DSG4: variants seen among roughly 807,000 people sequenced by gnomAD.
DSG4 encodes the protein desmoglein 4.
A neutral mutation model predicts 93.1 loss-of-function variants in DSG4; 87 were observed. The ratio of observed to expected loss-of-function variants is 0.93; its 90% CI spans 0.79 to 1.12. The LOEUF is 1.12. Ranked by LOEUF, DSG4 falls within the 50% of genes most tolerant of loss-of-function variation. The probability of loss-of-function intolerance (pLI) is 0.00; values close to 1 mark genes in which losing one functional copy is unlikely to be tolerated. For missense variants in DSG4, 1,373 were observed against 1,285.7 expected (o/e 1.07, Z -1.04); for synonymous variants, 432 against 452.9 (o/e 0.95, Z 0.59).
intron 9 of DSG4, among the ~76,000 whole-genome samples, chr18:31,400,580 G>T (rs1435685393): frequency 1.3e-5 from 2 of 152,100 alleles, no homozygotes; most frequent in Non-Finnish European, 2.9e-5. Context: ...ATGAATAAAG[G>T]ATGTTTTACA....
chr18:31,391,837 G>GA (rs1568064722), intron 7 of DSG4, among the ~76,000 whole-genome samples: 1 of 151,320 alleles, frequency 6.6e-6, no homozygotes, highest in South Asian at 2.1e-4. Flanking sequence ...GCCCTTTACA[G>GA]AAAAAAATCT....
At chr18:31,392,393 A>G (rs1039979540) in intron 8 of DSG4, 53 bp downstream of exon 8, 1 of 1,577,956 alleles carries the variant, frequency 6.3e-7, no homozygotes, top group African/African-American at 1.4e-5. Context: ...ATTCCAAAGA[A>G]GTTTTAAATG....
At chr18:31,379,865 C>A (rs2072115861) in intron 1 of DSG4, among the ~76,000 whole-genome samples, 2 of 152,136 alleles carry the variant, frequency 1.3e-5, no homozygotes, top group African/African-American at 4.8e-5. Flanking sequence ...ACACCTTATC[C>A]TATTTGGCTT....
intron 1 of DSG4, among the ~76,000 whole-genome samples, chr18:31,381,646 C>T (rs1055774097): frequency 6.6e-6 from 1 of 152,004 alleles, no homozygotes; most frequent in African/African-American, 2.4e-5. Flanking sequence ...TTAGCAGAGA[C>T]ATAAATTTTA....
chr18:31,388,953 A>G lies in DSG4; in HGVS notation c.452A>G (p.Asn151Ser), dbSNP rs779911399. Residue 151 changes from asparagine to serine, a missense_variant, in exon 5 of 16, where the codon AAT becomes AGT. Asn to Ser is a conservative substitution (Grantham distance 46, BLOSUM62 1). Transcript: ENST00000308128. ...LELRVKVMDI[N>S]DNAPVFSQSV... ...CTTAGAGTCAAAGTTATGGACATAA[A>G]TGATAACGCTCCAGTCTTTTCGCAA... is the stretch of plus-strand genomic sequence containing the variant. The G allele has an allele frequency of 1.9e-6, 3 of 1,613,588 alleles. No homozygotes were observed. Among genetic ancestry groups the G allele is most frequent in the Non-Finnish European group, 2.5e-6 (3 of 1,179,642 alleles).
chr18:31,388,606 CT>C, intron 4 of DSG4, 84 bp downstream of exon 4: 1 of 1,539,978 alleles, frequency 6.5e-7, no homozygotes, highest in East Asian at 2.3e-5. Flanking sequence ...TAATGGATTA[CT>C]TTTGATAAAA....
Position 31,399,293 on chromosome 18 carries a change from CCTA to C in DSG4, c.1028_1030del (p.Pro343_Asn344delinsHis). ...TCAGATGCTGGATTATGAACAAGCACCTAACATTCAGCTTAGTATCGGAGTTAA... is the reference window on the plus strand; with the variant it reads ...TCAGATGCTGGATTATGAACAAGCACACATTCAGCTTAGTATCGGAGTTAA... On this transcript the variant is annotated inframe_deletion, in exon 9 of 16. Transcript: ENST00000308128. 1 of 1,613,962 alleles carries C rather than the reference CCTA, an allele frequency of 6.2e-7. No homozygotes were observed. Among genetic ancestry groups the C allele is most frequent in the Non-Finnish European group, 8.5e-7 (1 of 1,179,910 alleles).
chr18:31,400,787 C>A, intron 9 of DSG4, 94 bp from the exon 10 acceptor site: 1 of 1,315,596 alleles, frequency 7.6e-7, no homozygotes, highest in Non-Finnish European at 1.1e-6. Flanking sequence ...CATAAAAACA[C>A]AATATTAAAG....
Position 31,376,916 on chromosome 18 carries a change from A to T in DSG4, c.5A>T (p.Asp2Val). Residue 2 changes from aspartate to valine, a missense_variant, in exon 1 of 16, where the codon GAT becomes GTT. Transcript: ENST00000308128. ...GTGCAAGAGAAACCCAAAGGAATGGATTGGCTCTTCTTCAGAAACATTTGC... is the reference window on the plus strand; with the variant it reads ...GTGCAAGAGAAACCCAAAGGAATGGTTTGGCTCTTCTTCAGAAACATTTGC... MDWLFFRNICLL... is the reference protein window; with the variant it reads MVWLFFRNICLL... The T allele has an allele frequency of 6.2e-7, 1 of 1,613,680 alleles. No individual in the cohort carries two copies. Among genetic ancestry groups the T allele is most frequent in the Non-Finnish European group, 8.5e-7 (1 of 1,179,716 alleles).
rs1383314477 is a variant in DSG4, at chr18:31,409,573, G to A, written c.2055G>A (p.Gly685=). The A allele has an allele frequency of 6.2e-7, 1 of 1,614,028 alleles. No individual in the cohort carries two copies. Among genetic ancestry groups the A allele is most frequent in the African/African-American group, 1.3e-5 (1 of 74,918 alleles). Reference sequence around the variant, plus strand: ...TGATGCAGTCTTGGAGAATTGAAGGGGCCCATCCCGAGGACAGGGTAAGTG... The same window carrying A: ...TGATGCAGTCTTGGAGAATTGAAGGAGCCCATCCCGAGGACAGGGTAAGTG... ...EGVMQSWRIE[G]AHPEDRDVSN... The change falls in exon 13 of 16, where the codon GGG becomes GGA. Residue 685 remains glycine, a synonymous_variant. Coordinates refer to ENST00000308128, the MANE Select transcript of DSG4 (RefSeq NM_177986.5).
intron 9 of DSG4, among the ~76,000 whole-genome samples, chr18:31,400,624 C>T (rs895391695): frequency 6.8e-6 from 1 of 146,832 alleles, no homozygotes; most frequent in African/African-American, 2.7e-5. Context: ...CTGAAATAAA[C>T]TCATACATTT....
chr18:31,388,318 G>C, intron 3 of DSG4, 49 bp from the exon 4 acceptor site: 1 of 1,605,166 alleles, frequency 6.2e-7, no homozygotes, highest in Non-Finnish European at 8.5e-7. Flanking sequence ...ACACTCTTAA[G>C]CATTATCTGC....
chr18:31,412,440 A>C (rs972696486), intron 15 of DSG4, among the ~76,000 whole-genome samples: 2 of 152,216 alleles, frequency 1.3e-5, no homozygotes, highest in African/African-American at 4.8e-5. Flanking sequence ...AAGAAGATCT[A>C]GTATTTGGTA....
Position 31,400,961 on chromosome 18 carries a change from A to G in DSG4, c.1358A>G (p.Asp453Gly). 6.2e-7 allele frequency: 1 copy of G among 1,612,190 alleles called. No individual in the cohort carries two copies. Among genetic ancestry groups the G allele is most frequent in the Non-Finnish European group, 8.5e-7 (1 of 1,178,760 alleles). Residue 453 changes from aspartate (D) to glycine (G), a missense_variant, in exon 10 of 16, where the codon GAT becomes GGT. Asp to Gly is a moderately conservative substitution (Grantham distance 94). Transcript: ENST00000308128. ...TGEIQFSREF[D>G]KKSKYIINGI... The stretch of plus-strand genomic sequence containing the variant: ...GAGATACAATTTTCTAGAGAATTTG[A>G]TAAGAAGTCAAAATATATTATCAAT...
intron 1 of DSG4, among the ~76,000 whole-genome samples, chr18:31,384,726 T>TTAGA: frequency 6.6e-6 from 1 of 152,176 alleles, no homozygotes; most frequent in Admixed American, 6.6e-5. Context: ...ATCCGCTGAC[T>TTAGA]TAGAGCCTTT....
chr18:31,388,223 C>A, intron 3 of DSG4, 144 bp from the exon 4 acceptor site: 1 of 865,138 alleles, frequency 1.2e-6, no homozygotes. Context: ...GTAAATTTTC[C>A]AGGGTCACAC....
chr18:31,380,950 A>T (rs1303298711), intron 1 of DSG4, among the ~76,000 whole-genome samples: 2 of 152,228 alleles, frequency 1.3e-5, no homozygotes, highest in Non-Finnish European at 2.9e-5. Context: ...TAAAAGAGAA[A>T]ACAAGACCCA....
intron 1 of DSG4, among the ~76,000 whole-genome samples, chr18:31,378,624 C>T (rs1462664999): frequency 6.6e-6 from 1 of 152,052 alleles, no homozygotes; most frequent in East Asian, 1.9e-4. Flanking sequence ...TTAATTCCTC[C>T]TACTCCTCAT....
intron 3 of DSG4, among the ~76,000 whole-genome samples, chr18:31,387,714 G>A (rs575639904): frequency 6.6e-6 from 1 of 152,008 alleles, no homozygotes; most frequent in South Asian, 2.1e-4. Flanking sequence ...GAATGTGTGG[G>A]TAAAAAATCT....
Sources: allele counts gnomAD v4.1 joint callset (sites outside exome capture counted in the v4.1 genomes callset), GRCh38; gene constraint gnomAD v4.1.1; transcripts MANE v1.5; gene names NCBI Gene and HGNC (gene_info 2026-07-23, HGNC 2026-07-21).